The following SUGCT variants were observed in gnomAD, a reference collection of about 807,000 sequenced individuals.
SUGCT encodes the protein succinyl-CoA:glutarate CoA-transferase.
A neutral mutation model predicts 55.0 loss-of-function variants in SUGCT; 41 were observed. The ratio of observed to expected loss-of-function variants is 0.74; its 90% CI spans 0.58 to 0.97. The LOEUF is 0.97. SUGCT is among the 50% of genes least tolerant of loss of function. The pLI, the probability that SUGCT is intolerant of heterozygous loss-of-function variation, is 0.00. For synonymous variants in SUGCT, 187 were observed against 200.4 expected (o/e 0.93, Z 0.56); for missense variants, 568 against 547.8 (o/e 1.04, Z -0.37).
chr7:40,972,871 A>G, the SUGCT span, among the ~76,000 whole-genome samples: 1 of 152,202 alleles, frequency 6.6e-6, no homozygotes, highest in Non-Finnish European at 1.5e-5. Context: ...AGACTTTCTA[A>G]TTGTAATGTA....
chr7:40,814,468 T>C (rs1584479148), intron 13 of SUGCT, among the ~76,000 whole-genome samples: 1 of 152,172 alleles, frequency 6.6e-6, no homozygotes, highest in East Asian at 1.9e-4. Flanking sequence ...TGAAATTCTT[T>C]CTTCTGCTTG....
chr7:40,635,114 T>C (rs988325637), intron 12 of SUGCT, among the ~76,000 whole-genome samples: 7 of 151,920 alleles, frequency 4.6e-5, no homozygotes, highest in Non-Finnish European at 1.0e-4. Flanking sequence ...GGTAAAACCC[T>C]GTCCCTACTA....
At chr7:40,630,600 C>G (rs913567933) in intron 12 of SUGCT, among the ~76,000 whole-genome samples, 3 of 152,134 alleles carry the variant, frequency 2.0e-5, no homozygotes, top group Non-Finnish European at 1.5e-5. Flanking sequence ...ACTCTTAGGA[C>G]ATGAGCATAA....
At chr7:40,693,947 C>G (rs1190730790) in intron 12 of SUGCT, among the ~76,000 whole-genome samples, 1 of 152,196 alleles carries the variant, frequency 6.6e-6, no homozygotes, top group African/African-American at 2.4e-5. Context: ...TGTGTTCTCA[C>G]CATTCTTTTG....
chr7:40,655,798 C>CT (rs772267593), intron 12 of SUGCT, among the ~76,000 whole-genome samples: 3 of 152,048 alleles, frequency 2.0e-5, no homozygotes, highest in African/African-American at 2.4e-5. Flanking sequence ...CAACAATAAA[C>CT]TTTTTTTTGG....
intron 8 of SUGCT, among the ~76,000 whole-genome samples, chr7:40,282,174 G>T (rs1792994566): frequency 6.6e-6 from 1 of 151,508 alleles, no homozygotes; most frequent in African/African-American, 2.4e-5. Flanking sequence ...CTTTGTCAAA[G>T]ATCAATTGAC....
At chr7:40,343,733 T>C (rs993858509) in intron 9 of SUGCT, among the ~76,000 whole-genome samples, 1 of 152,124 alleles carries the variant, frequency 6.6e-6, no homozygotes, top group Non-Finnish European at 1.5e-5. Context: ...CTCGGCTCAT[T>C]GCAAGCTCCG....
At chr7:40,317,427 A>T (rs1486348996) in intron 9 of SUGCT, among the ~76,000 whole-genome samples, 7 of 152,230 alleles carry the variant, frequency 4.6e-5, no homozygotes, top group African/African-American at 1.7e-4. Context: ...AATAAAATTT[A>T]AAACAAAACC....
chr7:40,166,168 A>G (rs1232757080), intron 1 of SUGCT, among the ~76,000 whole-genome samples: 1 of 152,164 alleles, frequency 6.6e-6, no homozygotes. Flanking sequence ...CATTTACTTT[A>G]TGCTGGGGGT....
chr7:40,802,306 TCAGA>T (rs1790865281), intron 13 of SUGCT, among the ~76,000 whole-genome samples: 2 of 151,810 alleles, frequency 1.3e-5, no homozygotes, highest in Admixed American at 6.6e-5. Context: ...GTGTCAGCAC[TCAGA>T]CACACACACA....
At chr7:41,016,792 T>A in the SUGCT span, among the ~76,000 whole-genome samples, 2 of 152,214 alleles carry the variant, frequency 1.3e-5, no homozygotes, top group South Asian at 4.1e-4. Flanking sequence ...ATTCTAATGC[T>A]CACCTGTGAC....
chr7:40,248,252 C>G lies in SUGCT; in HGVS notation c.576+10526C>G, dbSNP rs535223808. Among the ~76,000 whole-genome samples the G allele has an allele frequency of 2.0e-5, 3 of 152,280 alleles. No individual in the cohort carries two copies. In the South Asian group the frequency reaches 6.2e-4, roughly 32 times the overall value. ...TCTCAAACTCCTGACCTCAGGTGATCTGCCCATCTGAGCCTCCCAAAGTGC... is the reference window on the plus strand; with the variant it reads ...TCTCAAACTCCTGACCTCAGGTGATGTGCCCATCTGAGCCTCCCAAAGTGC... On this transcript the variant is annotated intron_variant, in intron 7 of 13. Transcript: ENST00000335693.
At chr7:40,983,987 CTG>C in the SUGCT span, among the ~76,000 whole-genome samples, 1 of 152,100 alleles carries the variant, frequency 6.6e-6, no homozygotes, top group African/African-American at 2.4e-5. Context: ...AAGGGGGCCT[CTG>C]TAGCTGGATC....
chr7:40,616,734 G>T (rs2151783398), intron 12 of SUGCT, among the ~76,000 whole-genome samples: 1 of 152,320 alleles, frequency 6.6e-6, no homozygotes, highest in East Asian at 1.9e-4. Flanking sequence ...GAGAAGTCCT[G>T]TTGGGGAACA....
intron 8 of SUGCT, among the ~76,000 whole-genome samples, chr7:40,311,389 T>C (rs940757844): frequency 2.0e-5 from 3 of 152,206 alleles, no homozygotes; most frequent in Non-Finnish European, 1.5e-5. Flanking sequence ...GGGATCCCTA[T>C]GGGTTTTAAA....
intron 12 of SUGCT, among the ~76,000 whole-genome samples, chr7:40,565,201 C>G (rs914254293): frequency 6.6e-6 from 1 of 152,218 alleles, no homozygotes; most frequent in Admixed American, 6.5e-5. Flanking sequence ...CTCATGCCTT[C>G]TTGAGAATCA....
intron 12 of SUGCT, among the ~76,000 whole-genome samples, chr7:40,742,765 A>T (rs1335353328): frequency 6.6e-6 from 1 of 152,242 alleles, no homozygotes; most frequent in African/African-American, 2.4e-5. Flanking sequence ...TTTTGAGGGC[A>T]CAGTTTTCAG....
At chr7:40,616,676 A>G (rs6948724) in intron 12 of SUGCT, among the ~76,000 whole-genome samples, 38,430 of 152,098 alleles carry the variant, frequency 0.25, 6,690 homozygotes, top group African/African-American at 0.49. Context: ...GAGTGAAACA[A>G]GGAAAGACTC....
At chr7:40,568,808 C>A (rs1562867854) in intron 12 of SUGCT, among the ~76,000 whole-genome samples, 1 of 152,104 alleles carries the variant, frequency 6.6e-6, no homozygotes, top group Non-Finnish European at 1.5e-5. Context: ...CTTCCTTTAG[C>A]CAAAAGCAGT....
Sources: allele counts gnomAD v4.1 joint callset (sites outside exome capture counted in the v4.1 genomes callset), GRCh38; gene constraint gnomAD v4.1.1; transcripts MANE v1.5; gene names NCBI Gene and HGNC (gene_info 2026-07-23, HGNC 2026-07-21).